The following RBFOX3 variants were observed in gnomAD, a reference collection of about 807,000 sequenced individuals.
The protein encoded by RBFOX3 is RNA binding protein fox-1 homolog 3.
A neutral mutation model predicts 48.7 loss-of-function variants in RBFOX3; 17 were observed. The ratio of observed to expected loss-of-function variants is 0.35; its 90% CI spans 0.24 to 0.52. RBFOX3 has a LOEUF of 0.52. RBFOX3 is among the 20% of genes least tolerant of loss of function. The pLI is 0.94. For synonymous variants in RBFOX3, 212 were observed against 209.5 expected, an observed-to-expected ratio of 1.01 and a Z score of -0.10; for missense variants, 382 against 497.5, an observed-to-expected ratio of 0.77 and a Z score of 2.21.
At chr17:79,398,767 G>C (rs892587072) in intron 2 of RBFOX3, among the ~76,000 whole-genome samples, 2 of 152,194 alleles carry the variant, frequency 1.3e-5, no homozygotes, top group African/African-American at 4.8e-5. Context: ...GATGTTTACC[G>C]GGGGCCAGTC....
At chr17:79,294,874 C>G (rs924642051) in intron 3 of RBFOX3, among the ~76,000 whole-genome samples, 3 of 152,220 alleles carry the variant, frequency 2.0e-5, no homozygotes, top group Non-Finnish European at 4.4e-5. Flanking sequence ...TTGTCACTTG[C>G]TTTAATTCGT....
intron 3 of RBFOX3, among the ~76,000 whole-genome samples, chr17:79,273,574 G>GA (rs1201490768): frequency 1.3e-5 from 2 of 151,538 alleles, no homozygotes; most frequent in Non-Finnish European, 2.9e-5. Flanking sequence ...GCTCTGGGGG[G>GA]GGCGGGGGCG....
chr17:79,121,715 C>T (rs899586181), intron 4 of RBFOX3, among the ~76,000 whole-genome samples: 1 of 152,170 alleles, frequency 6.6e-6, no homozygotes, highest in African/African-American at 2.4e-5. Context: ...TTACTGGAAG[C>T]TTCATCTGCA....
intron 2 of RBFOX3, among the ~76,000 whole-genome samples, chr17:79,328,206 T>C (rs1334453127): frequency 1.3e-5 from 2 of 152,140 alleles, no homozygotes; most frequent in African/African-American, 2.4e-5. Context: ...ATGGGATAGA[T>C]CCAGGAGGCG....
intron 3 of RBFOX3, among the ~76,000 whole-genome samples, chr17:79,304,169 T>C (rs34483872): frequency 0.034 from 5,249 of 152,176 alleles, 176 homozygotes; most frequent in South Asian, 0.15. Flanking sequence ...GGGTTGGTGG[T>C]TAATGCCTGT....
At position 79,330,282 on chromosome 17, in the gene RBFOX3, G is replaced by A. The variant is rs79795437; in HGVS notation, c.-174-22458C>T. Among the ~76,000 whole-genome samples the A allele has an allele frequency of 1.3e-3, 205 of 152,254 alleles. 2 individuals are homozygous for A. In the Middle Eastern group the frequency reaches 0.048, roughly 35 times the overall value. Reference sequence around the variant, plus strand: ...TCACCCTCATTGAGGTGAAATTGAAGGGTTTGGGGTATCATGCTGGTTTCA... The same window carrying A: ...TCACCCTCATTGAGGTGAAATTGAAAGGTTTGGGGTATCATGCTGGTTTCA... On this transcript the variant is annotated intron_variant, in intron 2 of 14. Coordinates refer to ENST00000693108, the MANE Select transcript of RBFOX3 (RefSeq NM_001350451.2).
chr17:79,224,197 CCCCACCGCAGATG>C (rs567056030), intron 4 of RBFOX3, among the ~76,000 whole-genome samples: 153 of 152,246 alleles, frequency 1.0e-3, no homozygotes, highest in Non-Finnish European at 1.7e-3. Flanking sequence ...TCTGCAGCCT[CCCCACCGCAGATG>C]CCTCCAAGGA....
chr17:79,162,780 G>C (rs1436725905), intron 4 of RBFOX3, among the ~76,000 whole-genome samples: 5 of 152,210 alleles, frequency 3.3e-5, no homozygotes, highest in Non-Finnish European at 5.9e-5. Flanking sequence ...GGCAGGTGAA[G>C]GAGGGGACGG....
At chr17:79,648,660 C>G in the RBFOX3 span, among the ~76,000 whole-genome samples, 1 of 152,208 alleles carries the variant, frequency 6.6e-6, no homozygotes, top group Non-Finnish European at 1.5e-5. Flanking sequence ...GTATTAGGGT[C>G]CAAGGACACC....
At chr17:79,474,233 A>C (rs1439926749) in intron 2 of RBFOX3, among the ~76,000 whole-genome samples, 1 of 152,204 alleles carries the variant, frequency 6.6e-6, no homozygotes, top group Non-Finnish European at 1.5e-5. Flanking sequence ...CCGTTGACTC[A>C]CGTCCCTGGT....
chr17:79,119,650 C>T (rs926086035), intron 4 of RBFOX3, among the ~76,000 whole-genome samples: 1 of 152,172 alleles, frequency 6.6e-6, no homozygotes, highest in East Asian at 1.9e-4. Context: ...ACAGGTTTCT[C>T]CATCCGCAAA....
intron 3 of RBFOX3, among the ~76,000 whole-genome samples, chr17:79,251,335 G>A (rs1242589882): frequency 1.3e-5 from 2 of 152,116 alleles, no homozygotes; most frequent in Non-Finnish European, 2.9e-5. Flanking sequence ...GAACAGACGA[G>A]GGCCTCTCCC....
intron 4 of RBFOX3, among the ~76,000 whole-genome samples, chr17:79,172,705 T>C (rs1367912534): frequency 6.6e-6 from 1 of 152,192 alleles, no homozygotes; most frequent in African/African-American, 2.4e-5. Context: ...CATATGACTA[T>C]GGGTCCTGGA....
intron 4 of RBFOX3, chr17:79,234,909 T>A (rs913092104): frequency 7.2e-5 from 11 of 151,960 alleles, no homozygotes; most frequent in Admixed American, 7.2e-4. Context: ...TTTTGTATTT[T>A]TTAGTAGAGA....
intron 2 of RBFOX3, among the ~76,000 whole-genome samples, chr17:79,437,343 C>T (rs543930576): frequency 4.6e-5 from 7 of 152,330 alleles, no homozygotes; most frequent in South Asian, 4.1e-4. Context: ...CCTGCCCACC[C>T]GCTCCTCCTG....
chr17:79,460,173 C>T (rs1671525070), intron 2 of RBFOX3, among the ~76,000 whole-genome samples: 1 of 152,166 alleles, frequency 6.6e-6, no homozygotes, highest in African/African-American at 2.4e-5. Context: ...TAGAACTTGA[C>T]ACAGATGATG....
At chr17:79,651,311 C>T in the RBFOX3 span, among the ~76,000 whole-genome samples, 1 of 152,166 alleles carries the variant, frequency 6.6e-6, no homozygotes, top group Non-Finnish European at 1.5e-5. Context: ...TGCTGCAGGT[C>T]TTAAACATAA....
chr17:79,184,203 G>A (rs2052912458), intron 4 of RBFOX3, among the ~76,000 whole-genome samples: 1 of 152,182 alleles, frequency 6.6e-6, no homozygotes, highest in Admixed American at 6.5e-5. Flanking sequence ...GAGCCTCCAG[G>A]AGCGTCTCCT....
chr17:79,339,393 T>C (rs1002100059), intron 2 of RBFOX3, among the ~76,000 whole-genome samples: 3 of 152,170 alleles, frequency 2.0e-5, no homozygotes, highest in African/African-American at 4.8e-5. Context: ...AAAACCATTG[T>C]TCTCAAAGTG....
Sources: allele counts gnomAD v4.1 joint callset (sites outside exome capture counted in the v4.1 genomes callset), GRCh38; gene constraint gnomAD v4.1.1; transcripts MANE v1.5; gene names NCBI Gene and HGNC (gene_info 2026-07-23, HGNC 2026-07-21).